Variants in TAF12 observed in about 807,000 individuals in gnomAD.
TAF12 encodes TATA-box binding protein associated factor 12.
In TAF12, 3 loss-of-function variants were observed where a neutral mutation model predicts 20.8. The ratio of observed to expected loss-of-function variants is 0.14; its 90% CI spans 0.07 to 0.37. TAF12 has a LOEUF of 0.37. TAF12 is among the 10% of genes least tolerant of loss of function. TAF12 has a pLI of 1.00. For synonymous variants in TAF12, 69 were observed against 70.2 expected, an observed-to-expected ratio of 0.98 and a Z score of 0.09; for missense variants, 131 against 197.9, an observed-to-expected ratio of 0.66 and a Z score of 2.03.
chr1:28,631,049 A>G (rs1000048806), intron 1 of TAF12, among the ~76,000 whole-genome samples: 4 of 150,902 alleles, frequency 2.7e-5, no homozygotes, highest in African/African-American at 7.3e-5. Flanking sequence ...CGTCTCCAAA[A>G]AAAAAAAAAA....
chr1:28,644,066 A>G (rs191597629), upstream of TAF12, among the ~76,000 whole-genome samples: 63 of 151,638 alleles, frequency 4.2e-4, no homozygotes, highest in Admixed American at 3.0e-3. Context: ...AAAAAAAAAG[A>G]GAACAGCTGT....
intron 1 of TAF12, among the ~76,000 whole-genome samples, chr1:28,642,094 A>C (rs1445439614): frequency 6.6e-6 from 1 of 152,172 alleles, no homozygotes; most frequent in Non-Finnish European, 1.5e-5. Context: ...AATGGGATTT[A>C]AAGCACTTAT....
At chr1:28,637,243 C>A (rs1174213876) in intron 1 of TAF12, among the ~76,000 whole-genome samples, 1 of 152,102 alleles carries the variant, frequency 6.6e-6, no homozygotes, top group Admixed American at 6.5e-5. Context: ...TTCTTTTTTT[C>A]TTTTTCTCTT....
At position 28,605,382 on chromosome 1, in the gene TAF12, G is replaced by T. The variant is rs774987809; in HGVS notation, c.440C>A (p.Ala147Asp). The T allele has an allele frequency of 6.2e-7, 1 of 1,614,134 alleles. No individual in the cohort carries two copies. Among genetic ancestry groups the T allele is most frequent in the Non-Finnish European group, 8.5e-7 (1 of 1,180,024 alleles). ...RPYKKACTTE[A>D]HKQRMALIRK... ...CTGGCATTTCCTCACCTGTTTGTGA[G>T]CTTCTGTGGTGCAAGCTTTTTTGTA... The change falls in exon 5 of 6, where the codon GCT becomes GAT. Residue 147 changes from alanine (A) to aspartate (D), a missense_variant. Coordinates refer to ENST00000373824, the MANE Select transcript of TAF12 (RefSeq NM_005644.4).
chr1:28,628,228 T>TTG (rs1380249320), intron 1 of TAF12, among the ~76,000 whole-genome samples: 2 of 3,872 alleles, frequency 5.2e-4, no homozygotes, highest in Non-Finnish European at 9.1e-4. Context: ...GTGCAGGGGG[T>TTG]GGGGGGGGGG....
chr1:28,634,380 C>T (rs1667743970), intron 1 of TAF12, among the ~76,000 whole-genome samples: 1 of 141,486 alleles, frequency 7.1e-6, no homozygotes, highest in Admixed American at 7.4e-5. Flanking sequence ...CACACCACTG[C>T]ACTCCAGCTT....
At position 28,643,043 on chromosome 1, in the gene TAF12, G is replaced by T. The variant is rs1374469150; in HGVS notation, c.-136C>A. 5.1e-6 allele frequency: 5 copies of T among 985,768 alleles called. No individual in the cohort carries two copies. The highest frequency in any genetic ancestry group is 4.8e-6 in the Non-Finnish European group (4 of 829,970). 61.1% of individuals were successfully genotyped at this position (985,768 alleles called of 1,614,324 possible). A position where few individuals can be genotyped will look rare whatever the true frequency, so the allele number is the denominator to read the frequency against. On this transcript the variant is annotated 5_prime_UTR_variant, in exon 1 of 6. Coordinates refer to ENST00000373824, the MANE Select transcript of TAF12 (RefSeq NM_005644.4). ...TATGCAGAGACTGCCCCAGTGAAGC[G>T]TTCGTCTCAGCAGCCGGTCCGACTG...
At chr1:28,639,453 C>T (rs1667962476) in intron 1 of TAF12, among the ~76,000 whole-genome samples, 1 of 105,668 alleles carries the variant, frequency 9.5e-6, no homozygotes, top group Non-Finnish European at 2.0e-5. Flanking sequence ...GTAATATGTC[C>T]TTTTGTCCTT....
chr1:28,642,982 C>G lies in TAF12; in HGVS notation c.-85+10G>C. 1.0e-6 allele frequency: 1 copy of G among 986,140 alleles called. No individual in the cohort carries two copies. The highest frequency in any genetic ancestry group is 1.2e-6 in the Non-Finnish European group (1 of 830,146). 61.1% of individuals were successfully genotyped at this position (986,140 alleles called of 1,614,324 possible). A position where few individuals can be genotyped will look rare whatever the true frequency, so the allele number is the denominator to read the frequency against. On this transcript the variant is annotated intron_variant, in intron 1 of 5. Coordinates refer to ENST00000373824, the MANE Select transcript of TAF12 (RefSeq NM_005644.4). ...CTCTTGTTCCTCAACTGCCAGGGCC[C>G]AAGACTCACAGGCAGCAGCGTCTAT...
chr1:28,629,098 A>T (rs908568329), intron 1 of TAF12, among the ~76,000 whole-genome samples: 1 of 152,134 alleles, frequency 6.6e-6, no homozygotes, highest in Admixed American at 6.6e-5. Flanking sequence ...AAACACACAT[A>T]CACAGACATA....
upstream of TAF12, among the ~76,000 whole-genome samples, chr1:28,647,286 TG>T (rs201248827): frequency 0.062 from 9,437 of 151,682 alleles, 369 homozygotes; most frequent in Middle Eastern, 0.15. Context: ...TGTCACATAT[TG>T]TTTTTTTTTT....
At chr1:28,641,761 T>C (rs1668041509) in intron 1 of TAF12, among the ~76,000 whole-genome samples, 1 of 144,164 alleles carries the variant, frequency 6.9e-6, no homozygotes, top group African/African-American at 2.6e-5. Flanking sequence ...GCCGCTGCAC[T>C]TCAGACTGGG....
intron 1 of TAF12, among the ~76,000 whole-genome samples, chr1:28,629,666 T>C (rs1232059603): frequency 6.6e-6 from 1 of 152,018 alleles, no homozygotes; most frequent in African/African-American, 2.4e-5. Context: ...TTTGCAGAGA[T>C]AGGTCTTGCT....
rs1430243430 is a variant in TAF12, at chr1:28,639,888, C to T, written c.-85+3104G>A. 2.0e-5 allele frequency among the ~76,000 whole-genome samples: 3 copies of T among 151,380 alleles called. No homozygotes were observed. In the East Asian group the frequency reaches 5.8e-4, roughly 29 times the overall value. ...ACAGAGTCTCATTCTGTTGTCCAGG[C>T]TGGAGTACAGTGACACAATCTCGGC... On this transcript the variant is annotated intron_variant, in intron 1 of 5. Coordinates refer to ENST00000373824, the MANE Select transcript of TAF12 (RefSeq NM_005644.4).
intron 4 of TAF12, among the ~76,000 whole-genome samples, chr1:28,608,175 C>CAAAAAAAAAA (rs58747974): frequency 1.7e-3 from 107 of 62,656 alleles, no homozygotes; most frequent in Non-Finnish European, 1.9e-3. Context: ...ACTAAAAATA[C>CAAAAAAAAAA]AAAAAAAAAA....
intron 2 of TAF12, among the ~76,000 whole-genome samples, chr1:28,619,873 T>C (rs1667154533): frequency 6.6e-6 from 1 of 150,476 alleles, no homozygotes; most frequent in African/African-American, 2.4e-5. Context: ...TAGCTTGAAT[T>C]GGGAGGAGGA....
At chr1:28,625,578 T>C (rs935900090) in intron 1 of TAF12, among the ~76,000 whole-genome samples, 4 of 150,604 alleles carry the variant, frequency 2.7e-5, no homozygotes, top group African/African-American at 9.8e-5. Flanking sequence ...GTCTCGCTCT[T>C]TCGCCCAGGT....
At chr1:28,635,745 T>C (rs780485611) in intron 1 of TAF12, among the ~76,000 whole-genome samples, 2 of 151,638 alleles carry the variant, frequency 1.3e-5, no homozygotes, top group Non-Finnish European at 2.9e-5. Flanking sequence ...TTTCATAGGG[T>C]AGGAATTAAG....
rs573195656 is a variant in TAF12, at chr1:28,622,052, G to A, written c.30C>T (p.Ile10=). The A allele has an allele frequency of 6.2e-7, 1 of 1,613,822 alleles. No individual in the cohort carries two copies. Among genetic ancestry groups the A allele is most frequent in the South Asian group, 1.1e-5 (1 of 91,020 alleles). ...TTATGGATGAGAAATTGGAGAGGTT[G>A]ATTAGGGCTGAGGGGCCAAACTGGT... MNQFGPSAL[I]NLSNFSSIKP... The change falls in exon 2 of 6, where the codon ATC becomes ATT. Residue 10 remains isoleucine (I), a synonymous_variant. Coordinates refer to ENST00000373824, the MANE Select transcript of TAF12 (RefSeq NM_005644.4).
Sources: gnomAD v4.1 joint callset for allele counts (sites outside exome capture counted in the v4.1 genomes callset) on GRCh38, gnomAD v4.1.1 for gene constraint, MANE v1.5 for transcripts, NCBI Gene and HGNC (gene_info 2026-07-23, HGNC 2026-07-21) for gene names.